Variants in MADCAM1 observed in about 807,000 individuals in gnomAD.
MADCAM1 encodes mucosal addressin cell adhesion molecule 1.
Under a neutral mutation model 26.1 loss-of-function variants are expected in MADCAM1, and 19 were observed. The observed-to-expected ratio is 0.73, with a 90% CI of 0.51 to 1.07. The LOEUF (loss-of-function observed/expected upper bound fraction) is 1.07. Ranked by LOEUF, MADCAM1 falls within the 50% of genes least tolerant of loss-of-function variation. The pLI is 0.00. For missense variants in MADCAM1, 514 were observed against 542.1 expected (o/e 0.95, Z 0.51); for synonymous variants, 268 against 260.9 (o/e 1.03, Z -0.26).
intron 3 of MADCAM1, chr19:499,975 C>T (rs755000842): frequency 1.2e-5 from 5 of 426,344 alleles, no homozygotes; most frequent in Non-Finnish European, 2.3e-5. Context: ...GCTGGGAGAC[C>T]CGGGAGGTCT....
chr19:498,793 G>C lies in MADCAM1; in HGVS notation c.635G>C (p.Gly212Ala). ...TGCCAGGCCACGATGAGGCTGCCTG[G>C]CTTGGAGCTCAGCCACCGCCAGGCC... is the stretch of plus-strand genomic sequence containing the variant. ...LYCQATMRLP[G>A]LELSHRQAIP... is the part of the protein sequence containing the mutation. Residue 212 changes from glycine to alanine, a missense_variant, in exon 3 of 5, where the codon GGC becomes GCC. By Grantham distance (60) the Gly-to-Ala change is moderately conservative. Coordinates refer to ENST00000215637, the MANE Select transcript of MADCAM1 (RefSeq NM_130760.3). 1 of 1,509,686 alleles carries C rather than the reference G, an allele frequency of 6.6e-7. No individual in the cohort carries two copies. The highest frequency in any genetic ancestry group is 8.8e-7 in the Non-Finnish European group (1 of 1,139,426). 93.5% of individuals were successfully genotyped at this position (1,509,686 alleles called of 1,614,324 possible).
intron 3 of MADCAM1, chr19:500,121 C>A: frequency 2.2e-6 from 1 of 456,250 alleles, no homozygotes; most frequent in South Asian, 1.5e-5. Flanking sequence ...GGGCAGAAAG[C>A]CCCCAAGCAC....
intron 3 of MADCAM1, among the ~76,000 whole-genome samples, chr19:501,036 A>G (rs1365870362): frequency 1.3e-5 from 2 of 151,970 alleles, no homozygotes. Flanking sequence ...AAAAAATTTA[A>G]AAATTAGCTG....
At chr19:499,001 C>T (rs1215712976) in intron 3 of MADCAM1, 176 bp downstream of exon 3, 1 of 978,382 alleles carries the variant, frequency 1.0e-6, no homozygotes. Flanking sequence ...CGAGCACCTG[C>T]CCCCCAGCAC....
In MADCAM1 at chr19:498,725, G is replaced by C; in HGVS notation, c.567G>C (p.Trp189Cys). The C allele has an allele frequency of 6.9e-7, 1 of 1,457,182 alleles. No individual in the cohort carries two copies. Among genetic ancestry groups the C allele is most frequent in the Non-Finnish European group, 9.0e-7 (1 of 1,109,898 alleles). The allele number at this position is 1,457,182 out of a possible 1,614,324, so 90.3% of individuals were successfully genotyped here. A position where few individuals can be genotyped will look rare whatever the true frequency, so the allele number is the denominator to read the frequency against. Residue 189 changes from tryptophan to cysteine, a missense_variant, in exon 3 of 5, where the codon TGG becomes TGC. Coordinates refer to ENST00000215637, the MANE Select transcript of MADCAM1 (RefSeq NM_130760.3). The part of the protein sequence containing the change: ...EDVLFRVTER[W>C]RLPPLGTPVP... ...TGCTGTTCAGGGTGACAGAGCGCTG[G>C]CGGCTGCCGCCCCTGGGGACCCCTG...
rs746970003 is a variant in MADCAM1, at chr19:498,648, C to G, written c.490C>G (p.Leu164Val). The stretch of plus-strand genomic sequence containing the variant: ...CCAGGAACTGGAGGGGGCGCAAGCC[C>G]TGGGCCCGGAGGTGCAGGAGGAGGA... ...GGQELEGAQA[L>V]GPEVQEEEEE... The change falls in exon 3 of 5, where the codon CTG becomes GTG. Residue 164 changes from leucine to valine, a missense_variant. By Grantham distance (32) the Leu-to-Val change is conservative (BLOSUM62 1). Around this residue, in one of 3 missense-constraint regions of MADCAM1, gnomAD observed 317 missense variants for 313.6 expected, o/e 1.01. Coordinates refer to ENST00000215637, the MANE Select transcript of MADCAM1 (RefSeq NM_130760.3). 1 of 1,464,022 alleles carries G rather than the reference C, an allele frequency of 6.8e-7. No homozygotes were observed. The highest frequency in any genetic ancestry group is 1.5e-5 in the South Asian group (1 of 67,706). 90.7% of individuals were successfully genotyped at this position (1,464,022 alleles called of 1,614,324 possible).
At chr19:499,267 C>G (rs1334280195) in intron 3 of MADCAM1, 1 of 462,994 alleles carries the variant, frequency 2.2e-6, no homozygotes. Flanking sequence ...GAATACCCTT[C>G]TTCCGGATCT....
intron 1 of MADCAM1, among the ~76,000 whole-genome samples, chr19:497,361 A>AGGGGGGTCGGGGGG (rs1568316105): frequency 2.9e-5 from 1 of 35,084 alleles, no homozygotes; most frequent in Non-Finnish European, 5.2e-5. Context: ...GGCCCGGGGG[A>AGGGGGGTCGGGGGG]GAGGAAGGGG....
In MADCAM1 at chr19:497,583, G is replaced by A. The variant is rs541261790; in HGVS notation, c.53-250G>A. Among the ~76,000 whole-genome samples, 526 of 151,686 alleles carry A rather than the reference G, an allele frequency of 3.5e-3. 4 individuals carry two copies. The highest frequency in any genetic ancestry group is 0.012 in the African/African-American group (503 of 41,328). On this transcript the variant is annotated intron_variant, in intron 1 of 4. Transcript: ENST00000215637. ...GTTGCGGGGCTCCGCGCGGCCCCCTGACCCGCAGCGAAACTGGCTCCAGGC... is the reference window on the plus strand; with the variant it reads ...GTTGCGGGGCTCCGCGCGGCCCCCTAACCCGCAGCGAAACTGGCTCCAGGC...
chr19:501,189 T>TA (rs549443982), intron 3 of MADCAM1, among the ~76,000 whole-genome samples: 108 of 134,960 alleles, frequency 8.0e-4, no homozygotes, highest in Middle Eastern at 4.2e-3. Flanking sequence ...ACCCCATCTC[T>TA]AAAAAAAAAA....
intron 4 of MADCAM1, 25 bp from the exon 5 acceptor site, chr19:504,720 G>C (rs766007939): frequency 1.0e-5 from 16 of 1,559,244 alleles, no homozygotes; most frequent in Non-Finnish European, 1.4e-5. Flanking sequence ...GGCTCTGACC[G>C]GGGTCTCCTG....
At chr19:503,763 T>C (rs1600392522) in intron 4 of MADCAM1, among the ~76,000 whole-genome samples, 1 of 147,176 alleles carries the variant, frequency 6.8e-6, no homozygotes, top group Non-Finnish European at 1.5e-5. Context: ...AAAAAAAAAG[T>C]GTTGGCCAGA....
chr19:504,797 G>C lies in MADCAM1; in HGVS notation c.981G>C (p.Ala327=), dbSNP rs138718378. ...CCGCGGCTCTGTGGACCAGCAGTGC[G>C]GTGCTGGGACTGCTGCTCCTGGCCT... ...QLPAALWTSS[A]VLGLLLLALP... is the part of the protein sequence containing the mutation. Residue 327 remains alanine, a synonymous_variant, in exon 5 of 5, where the codon GCG becomes GCC. Transcript: ENST00000215637. 1 of 1,612,830 alleles carries C rather than the reference G, an allele frequency of 6.2e-7. No individual in the cohort carries two copies. Among genetic ancestry groups the C allele is most frequent in the East Asian group, 2.2e-5 (1 of 44,874 alleles).
At chr19:502,382 A>C (rs1172975201) in intron 4 of MADCAM1, among the ~76,000 whole-genome samples, 1 of 151,512 alleles carries the variant, frequency 6.6e-6, no homozygotes, top group East Asian at 1.9e-4. Context: ...ACTCATTGCA[A>C]CCTCCGCCTC....
At chr19:504,255 C>CTTTTTTTTTT (rs141972615) in intron 4 of MADCAM1, among the ~76,000 whole-genome samples, 1 of 88,150 alleles carries the variant, frequency 1.1e-5, no homozygotes, top group Non-Finnish European at 2.3e-5. Flanking sequence ...CCGGTCTGCC[C>CTTTTTTTTTT]TTTTTTTTTT....
Position 505,015 on chromosome 19 carries a change from G to A in MADCAM1, c.*50G>A. ...AGCAAAATAGCTTGGACCCCTTCAA[G>A]TTGAGAACTGGTCAGGGCAAACCTG... is the stretch of plus-strand genomic sequence containing the variant. On this transcript the variant is annotated 3_prime_UTR_variant, in exon 5 of 5. Coordinates refer to ENST00000215637, the MANE Select transcript of MADCAM1 (RefSeq NM_130760.3). 7.1e-7 allele frequency: 1 copy of A among 1,405,484 alleles called. No homozygotes were observed. Among genetic ancestry groups the A allele is most frequent in the South Asian group, 1.3e-5 (1 of 75,650 alleles). The allele number at this position is 1,405,484 out of a possible 1,614,324, so 87.1% of individuals were successfully genotyped here. A position where few individuals can be genotyped will look rare whatever the true frequency, so the allele number is the denominator to read the frequency against.
chr19:501,485 CAAAAAAAAAAAAAAAAAAAA>C (rs60370701), intron 3 of MADCAM1, 164 bp from the exon 4 acceptor site: 2 of 83,490 alleles, frequency 2.4e-5, no homozygotes, highest in Non-Finnish European at 3.9e-5. Context: ...AACTCTGTCT[CAAAAAAAAAAAAAAAAAAAA>C]AAAAAAAAAA....
At chr19:502,246 T>C (rs1395243253) in intron 4 of MADCAM1, among the ~76,000 whole-genome samples, 4 of 152,116 alleles carry the variant, frequency 2.6e-5, no homozygotes, top group Admixed American at 2.0e-4. Flanking sequence ...CTAAGCCTTG[T>C]AGACTAGAAG....
intron 4 of MADCAM1, among the ~76,000 whole-genome samples, chr19:503,560 G>A (rs1347928922): frequency 3.9e-5 from 5 of 127,230 alleles, no homozygotes; most frequent in South Asian, 5.0e-4. Context: ...CAACCTGGGA[G>A]ACAGCAAGAC....
Sources: gnomAD v4.1 joint callset for allele counts (sites outside exome capture counted in the v4.1 genomes callset) on GRCh38, gnomAD v4.1.1 for gene constraint, gnomAD v4.1.1 regional missense constraint, MANE v1.5 for transcripts, NCBI Gene and HGNC (gene_info 2026-07-23, HGNC 2026-07-21) for gene names.